The following ILF2 variants were observed in gnomAD, a reference collection of about 807,000 sequenced individuals.
ILF2 encodes the protein interleukin enhancer-binding factor 2.
ILF2 carries 9 observed loss-of-function variants against 55.3 expected under a neutral mutation model. That is an observed-to-expected ratio of 0.16 (90% CI 0.10 to 0.28). The LOEUF (loss-of-function observed/expected upper bound fraction) is 0.28. ILF2 is among the 10% of genes least tolerant of loss of function. The pLI is 1.00. For synonymous variants in ILF2, 151 were observed against 161.8 expected (o/e 0.93, Z 0.50); for missense variants, 266 against 474.9 (o/e 0.56, Z 4.09).
chr1:153,665,652 C>T lies in ILF2; in HGVS notation c.460+11G>A. On this transcript the variant is annotated intron_variant, in intron 7 of 13. Coordinates refer to ENST00000361891, the MANE Select transcript of ILF2 (RefSeq NM_004515.4). ...TGGCTACTAAATACAGAATCAGCAACAAATGCAAACCTTCAGAAGGATCCT... is the reference window on the plus strand; with the variant it reads ...TGGCTACTAAATACAGAATCAGCAATAAATGCAAACCTTCAGAAGGATCCT... 3 of 1,611,962 alleles carry T rather than the reference C, an allele frequency of 1.9e-6. No homozygotes were observed. In the South Asian group the frequency reaches 3.3e-5, roughly 18 times the overall value.
chr1:153,664,316 C>T, intron 9 of ILF2, 80 bp downstream of exon 9: 2 of 1,237,226 alleles, frequency 1.6e-6, no homozygotes, highest in South Asian at 1.2e-5. Flanking sequence ...ATAGTTCTGT[C>T]AGAGGAAGTA....
chr1:153,667,818 C>T (rs1046937241), intron 5 of ILF2, among the ~76,000 whole-genome samples, 161 bp from the exon 6 acceptor site: 3 of 152,312 alleles, frequency 2.0e-5, no homozygotes, highest in East Asian at 1.9e-4. Flanking sequence ...TACATCACAG[C>T]TAGCATAACA....
chr1:153,668,241 C>A (rs1285732893), intron 4 of ILF2, among the ~76,000 whole-genome samples, 164 bp from the exon 5 acceptor site: 1 of 152,172 alleles, frequency 6.6e-6, no homozygotes, highest in Non-Finnish European at 1.5e-5. Flanking sequence ...GAGAACAACT[C>A]TTTGTCCCCA....
Position 153,670,955 on chromosome 1 carries a change from C to G in ILF2, c.-33G>C, listed in dbSNP as rs767656442. On this transcript the variant is annotated 5_prime_UTR_variant, in exon 1 of 14. Transcript: ENST00000361891. ...TAAAACACGAACAATGGAGGCCGCACCAACCGCCCCTTCCTCTGAGTAGCA... is the reference window on the plus strand; with the variant it reads ...TAAAACACGAACAATGGAGGCCGCAGCAACCGCCCCTTCCTCTGAGTAGCA... The G allele has an allele frequency of 7.4e-6, 12 of 1,614,094 alleles. No individual in the cohort carries two copies. The East Asian group carries it at 8.9e-5, about 12-fold the overall frequency.
rs768314778 is a variant in ILF2 at position 153,670,964 on chromosome 1, C to T, written c.-42G>A. 4 of 1,613,984 alleles carry T rather than the reference C, an allele frequency of 2.5e-6. No individual in the cohort carries two copies. The highest frequency in any genetic ancestry group is 2.5e-6 in the Non-Finnish European group (3 of 1,179,798). ...AACAATGGAGGCCGCACCAACCGCC[C>T]CTTCCTCTGAGTAGCAGACAACTGA... On this transcript the variant is annotated 5_prime_UTR_variant, in exon 1 of 14. Transcript: ENST00000361891.
At position 153,663,367 on chromosome 1, in the gene ILF2, C is replaced by T. The variant is rs1669223389; in HGVS notation, c.745-91G>A. ...TTTTAGAGACAGGGCCTCACTTTGT[C>T]ATCCAGGCTGGAGTGCAGTGGCGCA... On this transcript the variant is annotated intron_variant, in intron 10 of 13. Coordinates refer to ENST00000361891, the MANE Select transcript of ILF2 (RefSeq NM_004515.4). 7.2e-6 allele frequency: 9 copies of T among 1,244,932 alleles called. No homozygotes were observed. The Admixed American group carries it at 1.6e-4, about 22-fold the overall frequency. The allele number at this position is 1,244,932 out of a possible 1,614,324, so 77.1% of individuals were successfully genotyped here.
At chr1:153,664,586 C>T (rs550066251) in intron 8 of ILF2, 112 bp from the exon 9 acceptor site, 6 of 840,626 alleles carry the variant, frequency 7.1e-6, no homozygotes, top group East Asian at 5.1e-5. Context: ...GACGGAGTCT[C>T]GCTCTGTTGT....
At position 153,662,460 on chromosome 1, in the gene ILF2, TCTTCCTCTC is replaced by T; in HGVS notation, c.1100_1108del (p.Gly367_Glu369del). 6.2e-7 allele frequency: 1 copy of T among 1,613,162 alleles called. No individual in the cohort carries two copies. The highest frequency in any genetic ancestry group is 8.5e-7 in the Non-Finnish European group (1 of 1,179,104). On this transcript the variant is annotated inframe_deletion, in exon 14 of 14. Transcript: ENST00000361891. ...AGGTGGTTCTTCTGTATTCTCCTCT[TCTTCCTCTC>T]CTTCCTTCTTCTCTGGTGGCTTCTC...
chr1:153,665,603 T>TA lies in ILF2; in HGVS notation c.460+59dup, dbSNP rs779590435. 1.3e-5 allele frequency: 18 copies of TA among 1,351,622 alleles called. No homozygotes were observed. The Admixed American group carries it at 2.7e-4, about 20-fold the overall frequency. The allele number at this position is 1,351,622 out of a possible 1,614,324, so 83.7% of individuals were successfully genotyped here. ...GATCTGATTTTGTTGAAAGTGTACT[T>TA]ACAATTACAAGACCTGGTTCCTATG... is the stretch of plus-strand genomic sequence containing the variant. On this transcript the variant is annotated intron_variant, in intron 7 of 13. Transcript: ENST00000361891.
chr1:153,662,869 G>A, intron 12 of ILF2, 74 bp from the exon 13 acceptor site: 2 of 1,400,270 alleles, frequency 1.4e-6, no homozygotes, highest in Non-Finnish European at 2.0e-6. Flanking sequence ...TCTGAAAACA[G>A]AGATTAAGAC....
chr1:153,662,628 TAAAGAC>T (rs1451373047), intron 13 of ILF2, 71 bp downstream of exon 13: 11 of 1,568,742 alleles, frequency 7.0e-6, no homozygotes, highest in Non-Finnish European at 8.8e-6. Context: ...GTGGAAATAT[TAAAGAC>T]ATTTAAGTAG....
Position 153,665,259 on chromosome 1 carries a change from C to T in ILF2, c.538G>A (p.Val180Met). The T allele has an allele frequency of 6.2e-7, 1 of 1,612,856 alleles. No individual in the cohort carries two copies. The highest frequency in any genetic ancestry group is 8.5e-7 in the Non-Finnish European group (1 of 1,178,836). The change falls in exon 8 of 14, where the codon GTG (valine) becomes ATG (methionine). Residue 180 changes from valine to methionine, a missense_variant. Coordinates refer to ENST00000361891, the MANE Select transcript of ILF2 (RefSeq NM_004515.4). Reference sequence around the variant, plus strand: ...TCCAGTTTTCGAAGATTGGGTGGCACTGTTGTAATGAGAATCTTCACTGTA... The same window carrying T: ...TCCAGTTTTCGAAGATTGGGTGGCATTGTTGTAATGAGAATCTTCACTGTA... ...DATVKILITTVPPNLRKLDPE... is the reference protein window; with the variant it reads ...DATVKILITTMPPNLRKLDPE...
chr1:153,668,400 A>C, intron 4 of ILF2, 53 bp downstream of exon 4: 2 of 1,605,468 alleles, frequency 1.2e-6, no homozygotes, highest in East Asian at 2.2e-5. Flanking sequence ...ACTCTTTACC[A>C]ATACTTTTAA....
chr1:153,668,623 CT>C (rs1669369875), intron 3 of ILF2, 66 bp from the exon 4 acceptor site: 1 of 1,511,392 alleles, frequency 6.6e-7, no homozygotes, highest in Admixed American at 2.4e-5. Context: ...ATTGTTTTTT[CT>C]ATTACTACGA....
chr1:153,662,526 C>G lies in ILF2; in HGVS notation c.1043G>C (p.Gly348Ala). ...YLASEISTWD[G>A]VIVTPSEKAY... is the part of the protein sequence containing the mutation. ...CTTTTCTGAAGGTGTTACTATCACT[C>G]CATCCCAGGTAGATATTTCAGAAGC... Residue 348 changes from glycine (G) to alanine (A), a missense_variant, in exon 14 of 14, where the codon GGA (glycine) becomes GCA (alanine). By Grantham distance (60) the Gly-to-Ala change is moderately conservative (BLOSUM62 0). Coordinates refer to ENST00000361891, the MANE Select transcript of ILF2 (RefSeq NM_004515.4). 3.7e-6 allele frequency: 6 copies of G among 1,614,078 alleles called. No homozygotes were observed. Among genetic ancestry groups the G allele is most frequent in the Admixed American group, 1.7e-5 (1 of 60,022 alleles).
rs1168794723 is a variant in ILF2, at chr1:153,667,405, G to A, written c.394+150C>T. ...AGGCGGGAAGATCACTTGCTGTAGT[G>A]GAGGTCAAGGCTGCAGTGAGCTACA... On this transcript the variant is annotated intron_variant, in intron 6 of 13. Transcript: ENST00000361891. 3 of 675,094 alleles carry A rather than the reference G, an allele frequency of 4.4e-6. No homozygotes were observed. The East Asian group carries it at 7.5e-5, about 17-fold the overall frequency. The allele number at this position is 675,094 out of a possible 1,614,324, so 41.8% of individuals were successfully genotyped here. A position where few individuals can be genotyped will look rare whatever the true frequency, so the allele number is the denominator to read the frequency against.
At chr1:153,670,563 G>C (rs1163886142) in intron 1 of ILF2, among the ~76,000 whole-genome samples, 1 of 152,146 alleles carries the variant, frequency 6.6e-6, no homozygotes, top group South Asian at 2.1e-4. Flanking sequence ...TAATGTCAAG[G>C]CCTTCGCACT....
In ILF2 at chr1:153,662,285, T is replaced by A. The variant is rs1669189040; in HGVS notation, c.*111A>T. Reference sequence around the variant, plus strand: ...ACACTTCTATGGAGTTTACTTTTCTTCCTGCTATCTTCCCTATCCCACGGA... The same window carrying A: ...ACACTTCTATGGAGTTTACTTTTCTACCTGCTATCTTCCCTATCCCACGGA... On this transcript the variant is annotated 3_prime_UTR_variant, in exon 14 of 14. Coordinates refer to ENST00000361891, the MANE Select transcript of ILF2 (RefSeq NM_004515.4). 2.9e-6 allele frequency: 4 copies of A among 1,364,656 alleles called. No homozygotes were observed. Among genetic ancestry groups the A allele is most frequent in the Non-Finnish European group, 4.0e-6 (4 of 995,782 alleles). The allele number at this position is 1,364,656 out of a possible 1,614,324, so 84.5% of individuals were successfully genotyped here.
chr1:153,662,947 C>T (rs1278010171), intron 12 of ILF2, 72 bp downstream of exon 12: 1 of 1,400,714 alleles, frequency 7.1e-7, no homozygotes, highest in African/African-American at 1.4e-5. Context: ...AGACCATATT[C>T]CGCTTTGCCT....
Sources: gnomAD v4.1 joint callset for allele counts (sites outside exome capture counted in the v4.1 genomes callset) on GRCh38, gnomAD v4.1.1 for gene constraint, MANE v1.5 for transcripts, NCBI Gene and HGNC (gene_info 2026-07-23, HGNC 2026-07-21) for gene names.